Variants in RBM33 observed in about 807,000 individuals in gnomAD.
RBM33 encodes RNA-binding protein 33.
RBM33 carries 28 observed loss-of-function variants against 132.6 expected under a neutral mutation model. That is an observed-to-expected ratio of 0.21 (90% CI 0.16 to 0.29). RBM33 has a LOEUF of 0.29. Among genes scored for constraint, RBM33 ranks in the 10% least tolerant of loss-of-function variants. The probability of loss-of-function intolerance (pLI) is 1.00; values close to 1 mark genes in which losing one functional copy is unlikely to be tolerated. For synonymous variants in RBM33, 634 were observed against 593.0 expected (o/e 1.07, Z -1.01); for missense variants, 1,291 against 1,518.5 (o/e 0.85, Z 2.49).
chr7:155,707,513 G>A (rs926157054), intron 7 of RBM33: 3 of 324,868 alleles, frequency 9.2e-6, no homozygotes, highest in African/African-American at 6.6e-5. Flanking sequence ...CAGTTTCTCA[G>A]AATTATTAAC....
intron 1 of RBM33, among the ~76,000 whole-genome samples, chr7:155,659,792 A>C (rs1798591206): frequency 6.6e-6 from 1 of 152,150 alleles, no homozygotes; most frequent in African/African-American, 2.4e-5. Flanking sequence ...TTCACAGGTC[A>C]GGAGACCGGA....
chr7:155,739,650 T>C, intron 11 of RBM33, 65 bp from the exon 12 acceptor site: 2 of 1,450,646 alleles, frequency 1.4e-6, no homozygotes, highest in Admixed American at 2.6e-5. Flanking sequence ...TAGGAAATGA[T>C]TGAAGTGATT....
chr7:155,686,277 A>G (rs978182730), intron 5 of RBM33, among the ~76,000 whole-genome samples: 8 of 152,132 alleles, frequency 5.3e-5, no homozygotes, highest in African/African-American at 1.9e-4. Context: ...TTTATTACAA[A>G]GCTAGCACCA....
In RBM33 at chr7:155,680,919, T is replaced by A. The variant is rs763648416; in HGVS notation, c.567+11T>A. On this transcript the variant is annotated intron_variant, in intron 5 of 17. Transcript: ENST00000401878. ...TTAGATGAATTTACAGTGAGTCTTT[T>A]CTCCTTTGTATGGCCAAAGATAACC... is the stretch of plus-strand genomic sequence containing the variant. 9 of 1,606,248 alleles carry A rather than the reference T, an allele frequency of 5.6e-6. No homozygotes were observed. The highest frequency in any genetic ancestry group is 2.7e-5 in the African/African-American group (2 of 74,712).
rs760521273 is a variant in RBM33, at chr7:155,680,769, CAGA to C, written c.434_436del (p.Glu145del). On this transcript the variant is annotated inframe_deletion, in exon 5 of 18. Transcript: ENST00000401878. ...TCAGAATTGTATACTCAAGAGTACC[CAGA>C]AGAAGGACAGTATGAAGGCCACGAA... 7.4e-6 allele frequency: 12 copies of C among 1,613,602 alleles called. No individual in the cohort carries two copies. Among genetic ancestry groups the C allele is most frequent in the African/African-American group, 5.3e-5 (4 of 75,012 alleles).
At chr7:155,711,631 A>C (rs878915233) in intron 8 of RBM33, among the ~76,000 whole-genome samples, 176 bp downstream of exon 8, 3 of 152,194 alleles carry the variant, frequency 2.0e-5, no homozygotes, top group South Asian at 4.1e-4. Flanking sequence ...AGCAACATGC[A>C]TCCCAAAACT....
In RBM33 at chr7:155,711,268, G is replaced by T. The variant is rs769855958; in HGVS notation, c.1014G>T (p.Pro338=). Residue 338 remains proline, a synonymous_variant, in exon 8 of 18, where the codon CCG becomes CCT. Coordinates refer to ENST00000401878, the MANE Select transcript of RBM33 (RefSeq NM_053043.3). ...QQQPIRSLFQ[P]QPLQPLLPVQ... is the part of the protein sequence containing the mutation. ...AGCCGATCAGAAGCCTGTTCCAGCC[G>T]CAGCCGCTGCAGCCGCTGCTTCCGG... The T allele has an allele frequency of 7.5e-6, 12 of 1,600,114 alleles. No homozygotes were observed. The highest frequency in any genetic ancestry group is 6.8e-5 in the African/African-American group (5 of 73,740).
intron 15 of RBM33, among the ~76,000 whole-genome samples, chr7:155,765,051 TATG>T (rs1802167830): frequency 6.6e-6 from 1 of 152,206 alleles, no homozygotes; most frequent in South Asian, 2.1e-4. Context: ...TCCCTGAATA[TATG>T]ATGAGAAAGG....
intron 1 of RBM33, among the ~76,000 whole-genome samples, chr7:155,659,638 G>A (rs909401233): frequency 1.3e-5 from 2 of 152,080 alleles, no homozygotes; most frequent in South Asian, 2.1e-4. Flanking sequence ...GGAGACCCAC[G>A]AGAGCAAGAA....
chr7:155,647,934 T>C (rs1221270088), intron 1 of RBM33, among the ~76,000 whole-genome samples: 1 of 152,140 alleles, frequency 6.6e-6, no homozygotes, highest in East Asian at 1.9e-4. Context: ...CCTTGTAAAA[T>C]ATAAAATAAA....
chr7:155,679,107 G>A (rs1799263604), intron 4 of RBM33, among the ~76,000 whole-genome samples: 1 of 152,220 alleles, frequency 6.6e-6, no homozygotes, highest in African/African-American at 2.4e-5. Context: ...CAGAGGTGGA[G>A]GTTGCAGTGA....
At chr7:155,653,067 ATATC>A (rs1014946883) in intron 1 of RBM33, among the ~76,000 whole-genome samples, 3 of 152,152 alleles carry the variant, frequency 2.0e-5, no homozygotes, top group Admixed American at 2.0e-4. Flanking sequence ...ATTCCATTAT[ATATC>A]TATACTATTT....
At chr7:155,710,648 C>T (rs1434494301) in intron 7 of RBM33, among the ~76,000 whole-genome samples, 1 of 152,106 alleles carries the variant, frequency 6.6e-6, no homozygotes, top group Non-Finnish European at 1.5e-5. Context: ...TGCCTTGCAC[C>T]TCTCTCTTCT....
chr7:155,752,733 A>G (rs935973543), intron 14 of RBM33, among the ~76,000 whole-genome samples: 3 of 152,210 alleles, frequency 2.0e-5, no homozygotes, highest in African/African-American at 7.2e-5. Context: ...AGAATTTGCT[A>G]CTGTCACTCC....
At chr7:155,655,003 CAT>C (rs1798453518) in intron 1 of RBM33, among the ~76,000 whole-genome samples, 1 of 152,124 alleles carries the variant, frequency 6.6e-6, no homozygotes, top group Non-Finnish European at 1.5e-5. Flanking sequence ...TCATAATGAT[CAT>C]GTATTAGTTT....
In RBM33 at chr7:155,777,307, T is replaced by C. The variant is rs1019382985; in HGVS notation, c.*2266T>C. On this transcript the variant is annotated 3_prime_UTR_variant, in exon 18 of 18. Coordinates refer to ENST00000401878, the MANE Select transcript of RBM33 (RefSeq NM_053043.3). ...TCTACACGTGCACATAGGCAGACTT[T>C]CTCATAGAATGTTCTTGAAAGGTGA... is the stretch of plus-strand genomic sequence containing the variant. The C allele has an allele frequency of 6.6e-6, 1 of 152,474 alleles. No individual in the cohort carries two copies. Among genetic ancestry groups the C allele is most frequent in the Non-Finnish European group, 1.5e-5 (1 of 68,058 alleles). The allele number at this position is 152,474 out of a possible 1,614,324, so 9.4% of individuals were successfully genotyped here.
intron 1 of RBM33, among the ~76,000 whole-genome samples, chr7:155,654,822 T>G (rs917972722): frequency 1.3e-5 from 2 of 152,240 alleles, no homozygotes; most frequent in African/African-American, 4.8e-5. Flanking sequence ...ATTAAAAATT[T>G]TATATATTGT....
At chr7:155,755,128 T>G (rs1216373900) in intron 14 of RBM33, among the ~76,000 whole-genome samples, 1 of 152,236 alleles carries the variant, frequency 6.6e-6, no homozygotes, top group Non-Finnish European at 1.5e-5. Flanking sequence ...TTGAGTGAGC[T>G]TTATAAAGAT....
At chr7:155,701,054 C>A in intron 6 of RBM33, 110 bp downstream of exon 6, 1 of 955,048 alleles carries the variant, frequency 1.0e-6, no homozygotes, top group Non-Finnish European at 1.7e-6. Context: ...GTAATTGCGG[C>A]TGCCGTCCGG....
Sources: gnomAD v4.1 joint callset for allele counts (sites outside exome capture counted in the v4.1 genomes callset) on GRCh38, gnomAD v4.1.1 for gene constraint, MANE v1.5 for transcripts, NCBI Gene and HGNC (gene_info 2026-07-23, HGNC 2026-07-21) for gene names.